The following MYOM1 variants were observed in gnomAD, a reference collection of about 807,000 sequenced individuals.
The protein encoded by MYOM1 is myomesin 1, also known as myomesin-1.
MYOM1 carries 164 observed loss-of-function variants against 205.3 expected under a neutral mutation model. The observed-to-expected ratio is 0.80, with a 90% CI of 0.70 to 0.91. The LOEUF (loss-of-function observed/expected upper bound fraction) is 0.91. Ranked by LOEUF, MYOM1 falls within the 40% of genes least tolerant of loss-of-function variation. MYOM1 has a pLI of 0.00. For missense variants in MYOM1, 2,011 were observed against 2,127.3 expected, an observed-to-expected ratio of 0.95 and a Z score of 1.08; for synonymous variants, 772 against 789.4, an observed-to-expected ratio of 0.98 and a Z score of 0.37.
intron 25 of MYOM1, among the ~76,000 whole-genome samples, chr18:3,095,333 C>T (rs998331212): frequency 6.6e-6 from 1 of 152,086 alleles, no homozygotes; most frequent in African/African-American, 2.4e-5. Flanking sequence ...CTTGGGGAGG[C>T]CGAGGGGGGC....
At chr18:3,231,534 CT>C in the MYOM1 span, among the ~76,000 whole-genome samples, 7,150 of 120,140 alleles carry the variant, frequency 0.06, 337 homozygotes, top group African/African-American at 0.15. Context: ...AATATGCATC[CT>C]TTTTTTTTTT....
Position 3,155,201 on chromosome 18 carries a change from C to T in MYOM1, c.1502-113G>A, listed in dbSNP as rs74884432. The T allele has an allele frequency of 0.02, 21,423 of 1,077,298 alleles. 270 individuals are homozygous for T. Among genetic ancestry groups the T allele is most frequent in the Non-Finnish European group, 0.022 (17,277 of 794,144 alleles). 66.7% of individuals were successfully genotyped at this position (1,077,298 alleles called of 1,614,324 possible). ...TCATCACAGTGGCTCAATCTTTGGC[C>T]CCAACGCAGCAAGCATCAAATCTTG... On this transcript the variant is annotated intron_variant, in intron 10 of 37. Coordinates refer to ENST00000356443, the MANE Select transcript of MYOM1 (RefSeq NM_003803.4).
chr18:3,094,353 A>T, intron 25 of MYOM1, 47 bp from the exon 26 acceptor site: 1 of 1,298,844 alleles, frequency 7.7e-7, no homozygotes, highest in Non-Finnish European at 1.1e-6. Context: ...GTAACCAATT[A>T]TATTGGTACT....
rs149477324 is a variant in MYOM1, at chr18:3,074,193, C to G, written c.4708+1261G>C. Among the ~76,000 whole-genome samples, 97 of 152,304 alleles carry G rather than the reference C, an allele frequency of 6.4e-4. 3 individuals are homozygous for G. The East Asian group carries it at 0.014, about 22-fold the overall frequency. ...CAAACAAGAACAGCTCTCTCTTGCT[C>G]AACACCCCACTTCCCCCTTGACCTC... On this transcript the variant is annotated intron_variant, in intron 36 of 37. Transcript: ENST00000356443.
chr18:3,148,795 G>A (rs764376208), intron 13 of MYOM1, among the ~76,000 whole-genome samples: 56 of 126,742 alleles, frequency 4.4e-4, no homozygotes, highest in African/African-American at 1.6e-3. Flanking sequence ...GTAGTGAGCC[G>A]AGATCGCACC....
chr18:3,203,629 T>C (rs984572213), intron 2 of MYOM1, among the ~76,000 whole-genome samples: 10 of 151,800 alleles, frequency 6.6e-5, no homozygotes, highest in African/African-American at 2.2e-4. Context: ...AGAACTCGAA[T>C]TGGTAATTTA....
Position 3,067,282 on chromosome 18 carries a change from C to G in MYOM1, c.5038G>C (p.Gly1680Arg), listed in dbSNP as rs762687220. The G allele has an allele frequency of 3.7e-6, 6 of 1,606,220 alleles. No individual in the cohort carries two copies. In the South Asian group the frequency reaches 4.4e-5, roughly 12 times the overall value. Residue 1680 changes from glycine to arginine, a missense_variant, in exon 38 of 38, where the codon GGT (glycine) becomes CGT (arginine). Coordinates refer to ENST00000356443, the MANE Select transcript of MYOM1 (RefSeq NM_003803.4). ...ARMAALESLK[G>R]GKKAK ...TCCGGTCACTTGGCCTTCTTGCCAC[C>G]TTTCAGGGACTCCAAGGCGGCCATC...
At chr18:3,193,314 GTATATGTACATATACATA>G (rs930603166) in intron 3 of MYOM1, among the ~76,000 whole-genome samples, 12 of 140,198 alleles carry the variant, frequency 8.6e-5, no homozygotes, top group East Asian at 2.0e-4. Flanking sequence ...ATATATATAT[GTATATGTACATATACATA>G]TATATGTACA....
chr18:3,101,085 G>C (rs1275013296), intron 23 of MYOM1, among the ~76,000 whole-genome samples: 2 of 152,194 alleles, frequency 1.3e-5, no homozygotes, highest in Non-Finnish European at 2.9e-5. Flanking sequence ...TATAAACTGG[G>C]AGAAAAAATT....
At chr18:3,234,230 A>G in the MYOM1 span, among the ~76,000 whole-genome samples, 2 of 152,244 alleles carry the variant, frequency 1.3e-5, no homozygotes, top group Non-Finnish European at 2.9e-5. Flanking sequence ...AAAAGTATAC[A>G]TTGAAAAACT....
At chr18:3,096,802 C>G (rs188185589) in intron 25 of MYOM1, among the ~76,000 whole-genome samples, 89 of 152,180 alleles carry the variant, frequency 5.8e-4, no homozygotes, top group Admixed American at 9.2e-4. Context: ...TACCCTCCAC[C>G]CACCCCCTCA....
chr18:3,168,394 T>G (rs989114953), intron 9 of MYOM1, among the ~76,000 whole-genome samples: 7 of 152,188 alleles, frequency 4.6e-5, no homozygotes, highest in African/African-American at 2.4e-5. Context: ...GTTCAAGTGA[T>G]TCTCCTGCTT....
At chr18:3,237,487 T>C in the MYOM1 span, among the ~76,000 whole-genome samples, 1 of 149,216 alleles carries the variant, frequency 6.7e-6, no homozygotes, top group Non-Finnish European at 1.5e-5. Context: ...GAATCCCAGC[T>C]ACTTGGGAGG....
At chr18:3,227,319 CATGG>C in the MYOM1 span, among the ~76,000 whole-genome samples, 1 of 152,070 alleles carries the variant, frequency 6.6e-6, no homozygotes, top group Admixed American at 6.5e-5. Context: ...CACACTACAA[CATGG>C]ATGAACCCTG....
intron 33 of MYOM1, among the ~76,000 whole-genome samples, chr18:3,082,171 T>C (rs561571595): frequency 6.6e-6 from 1 of 152,332 alleles, no homozygotes; most frequent in South Asian, 2.1e-4. Context: ...GCTCGCTCCC[T>C]CGCCCACCAC....
chr18:3,220,301 T>C (rs1454519367), upstream of MYOM1, among the ~76,000 whole-genome samples: 1 of 152,230 alleles, frequency 6.6e-6, no homozygotes, highest in African/African-American at 2.4e-5. Context: ...CAAGATATGA[T>C]TCTGAGTGTG....
chr18:3,129,471 C>T lies in MYOM1; in HGVS notation c.2555G>A (p.Gly852Asp). 2 of 1,613,868 alleles carry T rather than the reference C, an allele frequency of 1.2e-6. No homozygotes were observed. Among genetic ancestry groups the T allele is most frequent in the Non-Finnish European group, 1.7e-6 (2 of 1,179,812 alleles). ...GCGCCCCCTGGAGGCGGTTAGTCCA[C>T]CAGGCTCATCGCTCAGTGCGGGACA... is the stretch of plus-strand genomic sequence containing the variant. ...DVCPALSDEP[G>D]GLTASRGRVH... The change falls in exon 18 of 38, where the codon GGT becomes GAT. Residue 852 changes from glycine to aspartate, a missense_variant. Transcript: ENST00000356443.
At chr18:3,175,460 C>A (rs11665082) in intron 6 of MYOM1, among the ~76,000 whole-genome samples, 10,917 of 152,010 alleles carry the variant, frequency 0.072, 450 homozygotes, top group African/African-American at 0.099. Context: ...ATGTAGGTTT[C>A]GTTTTCAAAT....
chr18:3,137,143 G>T (rs1166725243), intron 14 of MYOM1, among the ~76,000 whole-genome samples: 2 of 151,938 alleles, frequency 1.3e-5, no homozygotes, highest in African/African-American at 2.4e-5. Context: ...GTAGAGGGGG[G>T]TTTCACCGTG....
Sources: gnomAD v4.1 joint callset for allele counts (sites outside exome capture counted in the v4.1 genomes callset) on GRCh38, gnomAD v4.1.1 for gene constraint, MANE v1.5 for transcripts, NCBI Gene and HGNC (gene_info 2026-07-23, HGNC 2026-07-21) for gene names.